ELF1: variants seen among roughly 807,000 people sequenced by gnomAD.
The protein encoded by ELF1 is ETS-related transcription factor Elf-1.
ELF1 carries 24 observed loss-of-function variants against 59.9 expected under a neutral mutation model. The ratio of observed to expected loss-of-function variants is 0.40; its 90% CI spans 0.29 to 0.56. The LOEUF (loss-of-function observed/expected upper bound fraction) is 0.56, where lower values mean the gene tolerates loss of function less well. Ranked by LOEUF, ELF1 falls within the 20% of genes least tolerant of loss-of-function variation. The pLI, the probability that ELF1 is intolerant of heterozygous loss-of-function variation, is 0.44. For missense variants in ELF1, 627 were observed against 742.2 expected, an observed-to-expected ratio of 0.84 and a Z score of 1.80; for synonymous variants, 248 against 266.2, an observed-to-expected ratio of 0.93 and a Z score of 0.67.
chr13:40,968,535 A>T (rs975258035), intron 2 of ELF1, among the ~76,000 whole-genome samples: 3 of 152,180 alleles, frequency 2.0e-5, no homozygotes, highest in African/African-American at 7.2e-5. Flanking sequence ...AAATGATTTC[A>T]GGAATTGATG....
chr13:40,933,700 T>C lies in ELF1; in HGVS notation c.1585A>G (p.Ser529Gly). The C allele has an allele frequency of 8.7e-6, 14 of 1,614,286 alleles. No homozygotes were observed. The highest frequency in any genetic ancestry group is 1.2e-5 in the Non-Finnish European group (14 of 1,180,054). The change falls in exon 9 of 9, where the codon AGT becomes GGT. Residue 529 changes from serine to glycine, a missense_variant. Coordinates refer to ENST00000239882, the MANE Select transcript of ELF1 (RefSeq NM_172373.4). ...TVSVASSPSF[S>G]ATAPVVTFSP... ...AAGGTCACCACAGGTGCAGTAGCACTGAAGGATGGAGAGGAAGCCACACTG... is the reference window on the plus strand; with the variant it reads ...AAGGTCACCACAGGTGCAGTAGCACCGAAGGATGGAGAGGAAGCCACACTG...
At chr13:40,998,397 T>C (rs1874233495) in intron 1 of ELF1, among the ~76,000 whole-genome samples, 1 of 152,192 alleles carries the variant, frequency 6.6e-6, no homozygotes, top group Non-Finnish European at 1.5e-5. Context: ...CTGTACAGGT[T>C]TGTGGCCTAG....
intron 1 of ELF1, among the ~76,000 whole-genome samples, chr13:41,053,408 C>T (rs1381569314): frequency 1.3e-5 from 2 of 151,960 alleles, no homozygotes; most frequent in Non-Finnish European, 2.9e-5. Flanking sequence ...AGTACATTAC[C>T]AAAACGTAAG....
chr13:41,010,849 C>A (rs754142097), intron 1 of ELF1, among the ~76,000 whole-genome samples: 25 of 152,192 alleles, frequency 1.6e-4, no homozygotes, highest in Non-Finnish European at 2.9e-4. Context: ...TTTGTCCATG[C>A]CACTGCTTAT....
At chr13:41,007,089 A>G (rs922683567) in intron 1 of ELF1, among the ~76,000 whole-genome samples, 1 of 152,104 alleles carries the variant, frequency 6.6e-6, no homozygotes, top group Non-Finnish European at 1.5e-5. Flanking sequence ...GGCTTCCACT[A>G]TAACAGAGAA....
At chr13:40,983,944 C>T (rs1593378847) in intron 1 of ELF1, among the ~76,000 whole-genome samples, 2 of 152,122 alleles carry the variant, frequency 1.3e-5, no homozygotes, top group Admixed American at 1.3e-4. Context: ...TGCTCAAGCC[C>T]CATTTATTTC....
intron 1 of ELF1, among the ~76,000 whole-genome samples, chr13:41,001,797 T>G (rs1181484649): frequency 1.3e-5 from 2 of 152,080 alleles, no homozygotes; most frequent in South Asian, 4.1e-4. Flanking sequence ...CAGTTCAAGG[T>G]TGCCGTGCAC....
At chr13:41,039,880 A>C (rs969180585) in intron 1 of ELF1, among the ~76,000 whole-genome samples, 1 of 152,196 alleles carries the variant, frequency 6.6e-6, no homozygotes, top group African/African-American at 2.4e-5. Flanking sequence ...CCTAATAGAA[A>C]AACAGGCATA....
At position 41,001,584 on chromosome 13, in the gene ELF1, G is replaced by A. The variant is rs77046014; in HGVS notation, c.-229+17644C>T. Among the ~76,000 whole-genome samples, 179 of 152,258 alleles carry A rather than the reference G, an allele frequency of 1.2e-3. 1 individual carries two copies. In the East Asian group the frequency reaches 0.029, roughly 25 times the overall value. ...GTTGGCATAAGAACAGACATACAAC[G>A]TGAGAGACCCTGTTCTAAGTGCTGG... On this transcript the variant is annotated intron_variant, in intron 1 of 8. Transcript: ENST00000239882.
intron 1 of ELF1, among the ~76,000 whole-genome samples, chr13:41,057,560 CGCCTG>C (rs2138442716): frequency 6.6e-6 from 1 of 152,180 alleles, no homozygotes; most frequent in South Asian, 2.1e-4. Context: ...GGTGCCACCA[CGCCTG>C]GCTAATTTTT....
At chr13:41,060,941 CGCCGCT>C (rs201585769) in exon 1 of ELF1, 5,651 of 240,224 alleles carry the variant, frequency 0.024, 139 homozygotes, top group Middle Eastern at 0.041. Flanking sequence ...CCGCCGCCGC[CGCCGCT>C]GCTGCTGCCC....
At chr13:40,960,957 G>A (rs184620491) in intron 2 of ELF1, among the ~76,000 whole-genome samples, 1 of 152,220 alleles carries the variant, frequency 6.6e-6, no homozygotes, top group Non-Finnish European at 1.5e-5. Flanking sequence ...TGCAACCTCC[G>A]CCTCCCAGGT....
chr13:41,046,970 G>C (rs1185950135), intron 1 of ELF1, among the ~76,000 whole-genome samples: 3 of 152,148 alleles, frequency 2.0e-5, no homozygotes, highest in African/African-American at 7.2e-5. Context: ...ATTTCTTGGA[G>C]GCTTTGTTCG....
intron 1 of ELF1, among the ~76,000 whole-genome samples, chr13:41,030,315 G>A (rs753169535): frequency 2.6e-5 from 4 of 152,160 alleles, no homozygotes; most frequent in Non-Finnish European, 4.4e-5. Context: ...AAAAATGACA[G>A]TTGAATTTGG....
At chr13:40,957,381 C>A in intron 3 of ELF1, among the ~76,000 whole-genome samples, 1 of 137,566 alleles carries the variant, frequency 7.3e-6, no homozygotes. Context: ...AAAGCAATAA[C>A]TACTAAATAT....
intron 1 of ELF1, among the ~76,000 whole-genome samples, chr13:41,031,478 G>GT (rs1421263261): frequency 6.6e-6 from 1 of 152,062 alleles, no homozygotes; most frequent in Non-Finnish European, 1.5e-5. Flanking sequence ...TCTCAGAATA[G>GT]TATCTACAGA....
At chr13:40,946,069 C>T (rs760042804) in intron 5 of ELF1, among the ~76,000 whole-genome samples, 3 of 152,240 alleles carry the variant, frequency 2.0e-5, no homozygotes, top group African/African-American at 7.2e-5. Flanking sequence ...GAATTTCCGA[C>T]CTCAGGATGT....
intron 1 of ELF1, among the ~76,000 whole-genome samples, chr13:41,018,029 G>C (rs1204084658): frequency 3.3e-5 from 5 of 152,202 alleles, no homozygotes; most frequent in African/African-American, 1.2e-4. Flanking sequence ...ATAACTGATT[G>C]CCTTTGTCTC....
chr13:40,953,334 G>T (rs1431477908), intron 3 of ELF1, among the ~76,000 whole-genome samples: 1 of 152,158 alleles, frequency 6.6e-6, no homozygotes, highest in African/African-American at 2.4e-5. Context: ...AAAATTCTAT[G>T]TTGACATGCT....
Sources: allele counts gnomAD v4.1 joint callset (sites outside exome capture counted in the v4.1 genomes callset), GRCh38; gene constraint gnomAD v4.1.1; transcripts MANE v1.5; gene names NCBI Gene and HGNC (gene_info 2026-07-23, HGNC 2026-07-21).